The following THRB variants were observed in gnomAD, a reference collection of about 807,000 sequenced individuals.
THRB encodes the protein thyroid hormone receptor beta.
In THRB, 12 loss-of-function variants were observed where a neutral mutation model predicts 47.8. The ratio of observed to expected loss-of-function variants is 0.25; its 90% CI spans 0.16 to 0.41. The LOEUF (loss-of-function observed/expected upper bound fraction) is 0.41. Among genes scored for constraint, THRB ranks in the 10% least tolerant of loss-of-function variants. The pLI is 1.00. For missense variants in THRB, 348 were observed against 589.2 expected (o/e 0.59, Z 4.24); for synonymous variants, 218 against 212.2 (o/e 1.03, Z -0.24).
At chr3:24,288,476 CTTT>C (rs535371313) in intron 3 of THRB, among the ~76,000 whole-genome samples, 1 of 151,546 alleles carries the variant, frequency 6.6e-6, no homozygotes, top group Non-Finnish European at 1.5e-5. Context: ...TGTGACTGCT[CTTT>C]TTTTTTAACC....
intron 1 of THRB, among the ~76,000 whole-genome samples, chr3:24,449,731 T>C (rs1247679001): frequency 6.6e-6 from 1 of 152,194 alleles, no homozygotes; most frequent in African/African-American, 2.4e-5. Flanking sequence ...TGTGAGACTA[T>C]CTTAATTCAA....
rs546403815 is a variant in THRB, at chr3:24,204,675, G to T, written c.23-14341C>A. Among the ~76,000 whole-genome samples, 2 of 152,326 alleles carry T rather than the reference G, an allele frequency of 1.3e-5. 1 individual carries two copies. Among genetic ancestry groups the T allele is most frequent in the Non-Finnish European group, 2.9e-5 (2 of 68,020 alleles). On this transcript the variant is annotated intron_variant, in intron 4 of 10. Transcript: ENST00000646209. ...GGAGAATGACTCTGACAAGTTGAGA[G>T]AAGAAGGCTTCAGACAATCAAACTT...
At chr3:24,270,958 T>C (rs1289991371) in intron 3 of THRB, among the ~76,000 whole-genome samples, 4 of 152,136 alleles carry the variant, frequency 2.6e-5, no homozygotes, top group East Asian at 1.9e-4. Context: ...TGTGAAAGGC[T>C]CCCCCCCTTT....
chr3:24,213,594 G>T (rs2046279612), intron 4 of THRB, among the ~76,000 whole-genome samples: 1 of 152,190 alleles, frequency 6.6e-6, no homozygotes, highest in South Asian at 2.1e-4. Flanking sequence ...AATACAATCA[G>T]ATGTATTGTG....
intron 1 of THRB, among the ~76,000 whole-genome samples, chr3:24,443,598 C>T (rs1458998850): frequency 6.6e-6 from 1 of 152,012 alleles, no homozygotes; most frequent in Non-Finnish European, 1.5e-5. Context: ...GTTAAGAAAA[C>T]ATTTCATCAG....
At chr3:24,204,325 C>A (rs2045007623) in intron 4 of THRB, among the ~76,000 whole-genome samples, 1 of 149,798 alleles carries the variant, frequency 6.7e-6, no homozygotes, top group African/African-American at 2.5e-5. Context: ...AATGATCAGG[C>A]AGCAACATTT....
intron 1 of THRB, among the ~76,000 whole-genome samples, chr3:24,404,422 C>T (rs1022888347): frequency 6.6e-6 from 1 of 151,864 alleles, no homozygotes; most frequent in Non-Finnish European, 1.5e-5. Flanking sequence ...AAATACTCTT[C>T]CTTTTTACAA....
intron 1 of THRB, among the ~76,000 whole-genome samples, chr3:24,439,581 A>G (rs753848991): frequency 3.3e-5 from 5 of 152,184 alleles, no homozygotes; most frequent in Non-Finnish European, 7.3e-5. Context: ...CACACGCAAA[A>G]GACTTCACAA....
At chr3:24,198,262 T>G (rs2044188659) in intron 4 of THRB, among the ~76,000 whole-genome samples, 2 of 152,236 alleles carry the variant, frequency 1.3e-5, no homozygotes. Context: ...GTTAAATTGT[T>G]GGCTGTTTCT....
intron 5 of THRB, among the ~76,000 whole-genome samples, chr3:24,175,711 G>A (rs1575601228): frequency 6.6e-6 from 1 of 151,842 alleles, no homozygotes; most frequent in East Asian, 1.9e-4. Flanking sequence ...TGAATATCAT[G>A]GCATAAAAAA....
chr3:24,166,963 A>C (rs2039720512), intron 5 of THRB, among the ~76,000 whole-genome samples: 1 of 152,150 alleles, frequency 6.6e-6, no homozygotes, highest in African/African-American at 2.4e-5. Flanking sequence ...AGTACAAAGC[A>C]AGGAGTTGGT....
chr3:24,184,070 A>AATTG (rs2042261727), intron 5 of THRB, among the ~76,000 whole-genome samples: 1 of 152,170 alleles, frequency 6.6e-6, no homozygotes, highest in African/African-American at 2.4e-5. Context: ...GTAAACACAC[A>AATTG]ATTATATAGA....
Position 24,240,233 on chromosome 3 carries a change from C to T in THRB, c.-42-11232G>A, listed in dbSNP as rs145329340. On this transcript the variant is annotated intron_variant, in intron 3 of 10. Transcript: ENST00000646209. ...AGTTTCATACAGCCAAGTGAGTCGGCCTGGCTTACCACTTGGTGTGGAGGA... is the reference window on the plus strand; with the variant it reads ...AGTTTCATACAGCCAAGTGAGTCGGTCTGGCTTACCACTTGGTGTGGAGGA... Among the ~76,000 whole-genome samples, 89 of 152,264 alleles carry T rather than the reference C, an allele frequency of 5.8e-4. 1 individual carries two copies. In the East Asian group the frequency reaches 0.011, roughly 19 times the overall value.
intron 1 of THRB, among the ~76,000 whole-genome samples, chr3:24,457,147 T>C (rs74553317): frequency 0.013 from 1,924 of 152,296 alleles, 41 homozygotes; most frequent in African/African-American, 0.044. Context: ...AATGAAGATT[T>C]CTATTTTTTC....
intron 3 of THRB, among the ~76,000 whole-genome samples, chr3:24,273,313 G>A (rs1412890044): frequency 6.6e-6 from 1 of 152,154 alleles, no homozygotes; most frequent in Non-Finnish European, 1.5e-5. Context: ...GGGTAATTCA[G>A]TGGACAATAT....
intron 3 of THRB, among the ~76,000 whole-genome samples, chr3:24,234,996 T>C (rs2048716390): frequency 1.3e-5 from 2 of 152,192 alleles, no homozygotes; most frequent in South Asian, 2.1e-4. Context: ...TAAGCAGTGA[T>C]CCAGTGTGAG....
chr3:24,260,061 C>T (rs2051792142), intron 3 of THRB, among the ~76,000 whole-genome samples: 1 of 152,154 alleles, frequency 6.6e-6, no homozygotes, highest in African/African-American at 2.4e-5. Context: ...CCCTTATCAC[C>T]TCAACCCTAA....
At chr3:24,269,397 GCGCGCGCACACACACA>G (rs1370989418) in intron 3 of THRB, among the ~76,000 whole-genome samples, 3 of 113,810 alleles carry the variant, frequency 2.6e-5, no homozygotes, top group Admixed American at 8.8e-5. Flanking sequence ...ACGCGCGCGC[GCGCGCGCACACACACA>G]CACACACACA....
At chr3:24,209,295 G>A (rs2045756274) in intron 4 of THRB, among the ~76,000 whole-genome samples, 2 of 151,874 alleles carry the variant, frequency 1.3e-5, no homozygotes, top group South Asian at 4.2e-4. Context: ...CAAGGATCTA[G>A]AACTATTTGA....
Sources: allele counts gnomAD v4.1 joint callset (sites outside exome capture counted in the v4.1 genomes callset), GRCh38; gene constraint gnomAD v4.1.1; transcripts MANE v1.5; gene names NCBI Gene and HGNC (gene_info 2026-07-23, HGNC 2026-07-21).